The following KIRREL3 variants were observed in gnomAD, a reference collection of about 807,000 sequenced individuals.
KIRREL3 encodes the protein kin of IRRE-like protein 3.
Under a neutral mutation model 89.7 loss-of-function variants are expected in KIRREL3, and 36 were observed. The ratio of observed to expected loss-of-function variants is 0.40; its 90% CI spans 0.31 to 0.53. The LOEUF is 0.53. KIRREL3 is among the 20% of genes least tolerant of loss of function. The pLI, the probability that KIRREL3 is intolerant of heterozygous loss-of-function variation, is 0.49. For missense variants in KIRREL3, 864 were observed against 1,056.6 expected (o/e 0.82, Z 2.53); for synonymous variants, 445 against 441.4 (o/e 1.01, Z -0.10).
intron 1 of KIRREL3, among the ~76,000 whole-genome samples, chr11:126,809,626 C>G (rs941668774): frequency 6.6e-6 from 1 of 152,208 alleles, no homozygotes; most frequent in Non-Finnish European, 1.5e-5. Flanking sequence ...TTAATTCAAT[C>G]GCTGTATGCT....
intron 1 of KIRREL3, among the ~76,000 whole-genome samples, chr11:126,984,584 C>T (rs1189696955): frequency 6.6e-6 from 1 of 152,206 alleles, no homozygotes; most frequent in Non-Finnish European, 1.5e-5. Flanking sequence ...TTATTATGTT[C>T]TCTTTGTTAT....
Position 126,995,584 on chromosome 11 carries a change from C to A in KIRREL3, c.55+4871G>T. The A allele has an allele frequency of 3.3e-6, 1 of 306,716 alleles. No homozygotes were observed. Among genetic ancestry groups the A allele is most frequent in the Non-Finnish European group, 6.4e-6 (1 of 157,372 alleles). The allele number at this position is 306,716 out of a possible 1,614,324, so 19.0% of individuals were successfully genotyped here. ...AAGACCATAAAACCAGTGCTTTTGG[C>A]CCTCCTCCTCACTCCTCCAGTATGG... is the stretch of plus-strand genomic sequence containing the variant. On this transcript the variant is annotated intron_variant, in intron 1 of 16. Transcript: ENST00000525144. This position sits in a 1 kb window ranked among gnomAD's most constrained non-coding sequence, Gnocchi z 6.5.
In KIRREL3 at chr11:126,896,986, G is replaced by A. The variant is rs969262764; in HGVS notation, c.55+103469C>T. On this transcript the variant is annotated intron_variant, in intron 1 of 16. Coordinates refer to ENST00000525144, the MANE Select transcript of KIRREL3 (RefSeq NM_032531.4). The surrounding 1 kb of genome is among the most constrained non-coding windows in gnomAD (Gnocchi z 4.1). Reference sequence around the variant, plus strand: ...TTGCAGAATCAAAAGATTCTAAGAAGAGGCCAGGGAAAGAGCAGACCATCC... The same window carrying A: ...TTGCAGAATCAAAAGATTCTAAGAAAAGGCCAGGGAAAGAGCAGACCATCC... Among the ~76,000 whole-genome samples, 1 of 152,140 alleles carries A rather than the reference G, an allele frequency of 6.6e-6. No homozygotes were observed. The highest frequency in any genetic ancestry group is 6.5e-5 in the Admixed American group (1 of 15,280).
intron 1 of KIRREL3, among the ~76,000 whole-genome samples, chr11:126,889,509 A>AT (rs1213787262): frequency 6.6e-6 from 1 of 152,134 alleles, no homozygotes; most frequent in African/African-American, 2.4e-5. Flanking sequence ...GGAAAAAAAA[A>AT]GGAGAAGAAA....
Position 126,693,290 on chromosome 11 carries a change from G to A in KIRREL3, c.56-130378C>T, listed in dbSNP as rs189466217. Among the ~76,000 whole-genome samples, 831 of 152,234 alleles carry A rather than the reference G, an allele frequency of 5.5e-3. 10 individuals are homozygous for A. The highest frequency in any genetic ancestry group is 0.018 in the African/African-American group (751 of 41,534). ...AAAAAAATTAGCCGGGCGTGGTGGC[G>A]CGCACCTGTAATCCCAGCTACTCAG... On this transcript the variant is annotated intron_variant, in intron 1 of 16. Transcript: ENST00000525144.
At position 126,559,675 on chromosome 11, in the gene KIRREL3, A is replaced by C. The variant is rs57034515; in HGVS notation, c.133+3160T>G. ...GAGGGCAGAAAATGTGTCTTACTCTACTTTTTTTTTTTTAGATGGAGTCTC... is the reference window on the plus strand; with the variant it reads ...GAGGGCAGAAAATGTGTCTTACTCTCCTTTTTTTTTTTTAGATGGAGTCTC... On this transcript the variant is annotated intron_variant, in intron 2 of 16. Coordinates refer to ENST00000525144, the MANE Select transcript of KIRREL3 (RefSeq NM_032531.4). Among the ~76,000 whole-genome samples, 1,484 of 149,488 alleles carry C rather than the reference A, an allele frequency of 9.9e-3. 29 individuals carry two copies. Among genetic ancestry groups the C allele is most frequent in the African/African-American group, 0.034 (1,372 of 40,864 alleles).
intron 1 of KIRREL3, among the ~76,000 whole-genome samples, chr11:126,633,145 T>C (rs1037209580): frequency 5.3e-5 from 8 of 152,076 alleles, no homozygotes; most frequent in African/African-American, 1.4e-4. Context: ...CTGCCATGAT[T>C]TGGGTATGGT....
intron 1 of KIRREL3, among the ~76,000 whole-genome samples, chr11:126,714,102 A>G (rs10790822): frequency 0.9 from 137,042 of 152,162 alleles, 61,833 homozygotes; most frequent in East Asian, 1. Context: ...AATACTGAAG[A>G]AGACCCTCAC....
chr11:126,442,646 A>G (rs1236129988), intron 10 of KIRREL3, among the ~76,000 whole-genome samples: 1 of 152,210 alleles, frequency 6.6e-6, no homozygotes, highest in Non-Finnish European at 1.5e-5. Context: ...ATGCTTTCAT[A>G]TCACCAGCTC....
At chr11:126,826,946 C>A (rs1452177710) in intron 1 of KIRREL3, among the ~76,000 whole-genome samples, 1 of 152,168 alleles carries the variant, frequency 6.6e-6, no homozygotes, top group Non-Finnish European at 1.5e-5. Flanking sequence ...GAAAATGAGG[C>A]AGAGTAGCAG....
At chr11:126,894,570 A>AAAAC (rs1946069240) in intron 1 of KIRREL3, among the ~76,000 whole-genome samples, 1 of 141,480 alleles carries the variant, frequency 7.1e-6, no homozygotes, top group African/African-American at 2.6e-5. Context: ...AAAAAAAAAA[A>AAAAC]GGAAAAGAAA....
chr11:126,789,129 A>G (rs1202744411), intron 1 of KIRREL3, among the ~76,000 whole-genome samples: 1 of 152,110 alleles, frequency 6.6e-6, no homozygotes, highest in Admixed American at 6.5e-5. Flanking sequence ...ACTACTCTTC[A>G]TCACCTTTGC....
Position 126,615,948 on chromosome 11 carries a change from G to T in KIRREL3, c.56-53036C>A, listed in dbSNP as rs549559654. Among the ~76,000 whole-genome samples the T allele has an allele frequency of 5.9e-5, 9 of 152,292 alleles. No individual in the cohort carries two copies. Among genetic ancestry groups the T allele is most frequent in the Admixed American group, 2.0e-4 (3 of 15,288 alleles). ...GGGACAGGACAGGATGGAGGGAGGAGCCCTGGGTGTGTGTGTGTGGGGTGC... is the reference window on the plus strand; with the variant it reads ...GGGACAGGACAGGATGGAGGGAGGATCCCTGGGTGTGTGTGTGTGGGGTGC... On this transcript the variant is annotated intron_variant, in intron 1 of 16. Transcript: ENST00000525144. This position sits in a 1 kb window ranked among gnomAD's most constrained non-coding sequence, Gnocchi z 5.4.
intron 1 of KIRREL3, among the ~76,000 whole-genome samples, chr11:126,603,144 C>A (rs1483369095): frequency 6.6e-6 from 1 of 152,218 alleles, no homozygotes; most frequent in Admixed American, 6.5e-5. Context: ...TTTAGAGATG[C>A]CCCTACAGAT....
intron 1 of KIRREL3, among the ~76,000 whole-genome samples, chr11:126,838,125 T>C (rs1446864155): frequency 1.3e-5 from 2 of 152,228 alleles, no homozygotes; most frequent in Non-Finnish European, 2.9e-5. Context: ...ACTACAATGA[T>C]TGAAATGAAG....
chr11:126,767,501 T>C (rs527401099), intron 1 of KIRREL3, among the ~76,000 whole-genome samples: 1 of 152,150 alleles, frequency 6.6e-6, no homozygotes, highest in Non-Finnish European at 1.5e-5. Flanking sequence ...TGAGTGTTAG[T>C]TTTGAACCCT....
chr11:126,450,358 TGTGTGCATGTGTGA>T (rs763501725), intron 7 of KIRREL3, among the ~76,000 whole-genome samples: 70 of 150,882 alleles, frequency 4.6e-4, no homozygotes, highest in Admixed American at 5.3e-4. Flanking sequence ...TCCATGTGCA[TGTGTGCATGTGTGA>T]GTGTGCATGT....
Position 126,778,884 on chromosome 11 carries a change from G to A in KIRREL3, c.56-215972C>T, listed in dbSNP as rs549296051. Among the ~76,000 whole-genome samples the A allele has an allele frequency of 1.1e-4, 17 of 152,288 alleles. No individual in the cohort carries two copies. The highest frequency in any genetic ancestry group is 3.8e-4 in the African/African-American group (16 of 41,570). ...TTTATAGTCTACCAGGTAAATGTAC[G>A]CAGTTTTGGTAAGATGAGCTATGCA... On this transcript the variant is annotated intron_variant, in intron 1 of 16. Transcript: ENST00000525144. This position sits in a 1 kb window ranked among gnomAD's most constrained non-coding sequence, Gnocchi z 4.5.
intron 1 of KIRREL3, chr11:126,992,420 G>C (rs1050873667): frequency 6.6e-6 from 1 of 152,162 alleles, no homozygotes; most frequent in African/African-American, 2.4e-5. Context: ...CGCAGTCATG[G>C]AAATAACACT....
Sources: allele counts gnomAD v4.1 joint callset (sites outside exome capture counted in the v4.1 genomes callset), GRCh38; gene constraint gnomAD v4.1.1; non-coding constraint Gnocchi (gnomAD v3.1); transcripts MANE v1.5; gene names NCBI Gene and HGNC (gene_info 2026-07-23, HGNC 2026-07-21).